Variants in LMLN observed in about 807,000 individuals in gnomAD.
The protein encoded by LMLN is leishmanolysin like peptidase.
In LMLN, 70 loss-of-function variants were observed where a neutral mutation model predicts 92.3. The ratio of observed to expected loss-of-function variants is 0.76; its 90% CI spans 0.63 to 0.92. The LOEUF (loss-of-function observed/expected upper bound fraction) is 0.92. LMLN is among the 40% of genes least tolerant of loss of function. LMLN has a pLI of 0.00. For synonymous variants in LMLN, 308 were observed against 296.2 expected (o/e 1.04, Z -0.41); for missense variants, 691 against 814.6 (o/e 0.85, Z 1.85).
chr3:197,978,079 ACAAT>A (rs1053358753), intron 5 of LMLN, among the ~76,000 whole-genome samples: 1 of 152,034 alleles, frequency 6.6e-6, no homozygotes, highest in Non-Finnish European at 1.5e-5. Flanking sequence ...AAATTATCAA[ACAAT>A]CTGGAAGCAC....
At chr3:198,024,213 ATTT>A (rs1245381667) in intron 13 of LMLN, among the ~76,000 whole-genome samples, 2 of 134,966 alleles carry the variant, frequency 1.5e-5, no homozygotes, top group Non-Finnish European at 1.6e-5. Context: ...GTGGATCCTA[ATTT>A]TTTTTTTTTT....
At chr3:197,977,152 C>T (rs193153925) in intron 5 of LMLN, among the ~76,000 whole-genome samples, 2 of 151,950 alleles carry the variant, frequency 1.3e-5, no homozygotes, top group Non-Finnish European at 2.9e-5. Flanking sequence ...TATAAATATG[C>T]CTATTTAGGG....
intron 14 of LMLN, among the ~76,000 whole-genome samples, chr3:198,029,776 G>C (rs895839675): frequency 5.3e-5 from 8 of 152,096 alleles, no homozygotes; most frequent in Admixed American, 6.5e-5. Flanking sequence ...TCAATTCTTA[G>C]TTGTTGTTTT....
intron 10 of LMLN, among the ~76,000 whole-genome samples, chr3:197,998,604 T>C (rs1310504546): frequency 6.6e-6 from 1 of 152,234 alleles, no homozygotes; most frequent in Non-Finnish European, 1.5e-5. Context: ...GTACTTGAGA[T>C]GGCCATCTGG....
chr3:197,981,941 A>G (rs1426603928), intron 6 of LMLN, among the ~76,000 whole-genome samples: 3 of 152,204 alleles, frequency 2.0e-5, no homozygotes, highest in East Asian at 3.9e-4. Flanking sequence ...AGTAGCTGGA[A>G]CTACAGGTGT....
chr3:198,015,490 C>T (rs1722606560), intron 11 of LMLN, among the ~76,000 whole-genome samples: 1 of 143,912 alleles, frequency 6.9e-6, no homozygotes. Context: ...ACTAGTCTGA[C>T]TTCTCTCCAC....
intron 11 of LMLN, among the ~76,000 whole-genome samples, chr3:198,002,782 G>A (rs947999307): frequency 2.0e-5 from 3 of 152,208 alleles, no homozygotes; most frequent in Admixed American, 6.5e-5. Context: ...TTATACTTAT[G>A]TCAAAGTATA....
rs1284734272 is a variant in LMLN at position 198,042,129 on chromosome 3, C to CTTGA, written c.*3463_*3466dup. On this transcript the variant is annotated 3_prime_UTR_variant, in exon 16 of 16. Transcript: ENST00000330198. The surrounding 1 kb of genome is among the most constrained non-coding windows in gnomAD (Gnocchi z 4.2). Reference sequence around the variant, plus strand: ...ATGTCTCCCGTCCTCTTCAGTAAGGCTTGAATATGATTTTACTCATCATTG... The same window carrying CTTGA: ...ATGTCTCCCGTCCTCTTCAGTAAGGCTTGATTGAATATGATTTTACTCATCATTG... The CTTGA allele has an allele frequency of 6.6e-6, 1 of 152,124 alleles. No homozygotes were observed. Among genetic ancestry groups the CTTGA allele is most frequent in the Non-Finnish European group, 1.5e-5 (1 of 68,030 alleles). The allele number at this position is 152,124 out of a possible 1,614,324, so 9.4% of individuals were successfully genotyped here.
At chr3:198,027,711 A>G (rs535814453) in intron 14 of LMLN, among the ~76,000 whole-genome samples, 3 of 152,230 alleles carry the variant, frequency 2.0e-5, no homozygotes, top group African/African-American at 7.2e-5. Flanking sequence ...GTGTTCCTTT[A>G]TGTCTCAATA....
At chr3:198,041,526 A>G (rs2109967774) in exon 16 of LMLN, 1 of 152,326 alleles carries the variant, frequency 6.6e-6, no homozygotes, top group Admixed American at 6.5e-5. Context: ...CTCATTAGGT[A>G]TCTGTAAATA....
At chr3:198,038,903 C>A in exon 16 of LMLN, 1 of 254,126 alleles carries the variant, frequency 3.9e-6, no homozygotes, top group South Asian at 4.6e-5. Flanking sequence ...CCAACCACCT[C>A]GTCAGCAACC....
intron 14 of LMLN, among the ~76,000 whole-genome samples, chr3:198,035,608 G>A (rs552184997): frequency 3.2e-4 from 49 of 152,004 alleles, no homozygotes; most frequent in South Asian, 1.5e-3. Flanking sequence ...TGATCTGCCC[G>A]CCTCAGCCTC....
rs527503554 is a variant in LMLN at position 197,960,262 on chromosome 3, G to T, written c.41G>T (p.Gly14Val). The change falls in exon 1 of 16, where the codon GGC becomes GTC. Residue 14 changes from glycine to valine, a missense_variant. This residue lies in a region of LMLN where 91 missense variants were observed against 52.5 expected (regional missense o/e 1.73). Transcript: ENST00000330198. ...GGCCCGAAGATGGCGGCCGAATGGG[G>T]CGGAGGAGTGGGTTACTCGGGCTCA... is the stretch of plus-strand genomic sequence containing the variant. 68 of 1,613,176 alleles carry T rather than the reference G, an allele frequency of 4.2e-5. No homozygotes were observed. The highest frequency in any genetic ancestry group is 5.7e-5 in the Non-Finnish European group (67 of 1,179,538).
At chr3:198,021,719 T>C (rs1722789393) in intron 13 of LMLN, 114 bp downstream of exon 14, 1 of 852,010 alleles carries the variant, frequency 1.2e-6, no homozygotes, top group Non-Finnish European at 1.8e-6. Flanking sequence ...ATTTGCTTTA[T>C]AGTTCAGCTG....
intron 11 of LMLN, among the ~76,000 whole-genome samples, chr3:198,011,882 A>G (rs1722452846): frequency 6.6e-6 from 1 of 152,216 alleles, no homozygotes; most frequent in African/African-American, 2.4e-5. Context: ...AATGGGATCT[A>G]ATTAAACTAA....
intron 6 of LMLN, among the ~76,000 whole-genome samples, chr3:197,983,721 A>G (rs1238251061): frequency 6.6e-6 from 1 of 152,190 alleles, no homozygotes; most frequent in Admixed American, 6.5e-5. Context: ...AATTCATATT[A>G]AAGTATAATC....
chr3:197,981,233 G>A (rs1721549597), intron 6 of LMLN, among the ~76,000 whole-genome samples: 1 of 152,088 alleles, frequency 6.6e-6, no homozygotes, highest in Non-Finnish European at 1.5e-5. Flanking sequence ...TTAGCCAGGA[G>A]TGGTGGTGTG....
intron 14 of LMLN, among the ~76,000 whole-genome samples, chr3:198,029,673 AAAAC>A (rs775870686): frequency 2.6e-5 from 4 of 152,100 alleles, no homozygotes; most frequent in East Asian, 1.9e-4. Context: ...ACTACATGTA[AAAAC>A]AAACAAACAA....
At chr3:197,983,257 G>A (rs983868656) in intron 6 of LMLN, among the ~76,000 whole-genome samples, 1 of 152,168 alleles carries the variant, frequency 6.6e-6, no homozygotes, top group Non-Finnish European at 1.5e-5. Context: ...GGAGAACTGA[G>A]CTTGGGGTTC....
Sources: gnomAD v4.1 joint callset for allele counts (sites outside exome capture counted in the v4.1 genomes callset) on GRCh38, gnomAD v4.1.1 for gene constraint, gnomAD v4.1.1 regional missense constraint, Gnocchi (gnomAD v3.1) non-coding constraint, MANE v1.5 for transcripts, NCBI Gene and HGNC (gene_info 2026-07-23, HGNC 2026-07-21) for gene names.